Variants in COL23A1 observed in about 807,000 individuals in gnomAD.
COL23A1 encodes collagen alpha-1(XXIII) chain.
COL23A1 carries 97 observed loss-of-function variants against 99.3 expected under a neutral mutation model. The ratio of observed to expected loss-of-function variants is 0.98; its 90% CI spans 0.83 to 1.16. The LOEUF (loss-of-function observed/expected upper bound fraction) is 1.16, where lower values mean the gene tolerates loss of function less well. COL23A1 is among the 50% of genes most tolerant of loss of function. The pLI is 0.00. For synonymous variants in COL23A1, 320 were observed against 308.2 expected (o/e 1.04, Z -0.40); for missense variants, 762 against 757.4 (o/e 1.01, Z -0.07).
intron 2 of COL23A1, among the ~76,000 whole-genome samples, chr5:178,523,904 GTCAC>G (rs1197920790): frequency 2.6e-5 from 4 of 152,196 alleles, no homozygotes; most frequent in Non-Finnish European, 5.9e-5. Flanking sequence ...GAACACGGCT[GTCAC>G]TCACTGCAAC....
chr5:178,344,928 G>A (rs566973882), intron 2 of COL23A1: 15 of 681,584 alleles, frequency 2.2e-5, no homozygotes, highest in East Asian at 4.1e-5. Context: ...TTTGGGTCTC[G>A]ATCCAGAAAA....
Position 178,468,989 on chromosome 5 carries a change from G to A in COL23A1, c.361+91693C>T, listed in dbSNP as rs906994307. ...TTTGATGACTGGGTGCCTCACATAA[G>A]TGGAATCATATCGTGTTTGTCCTTC... On this transcript the variant is annotated intron_variant, in intron 2 of 28. Transcript: ENST00000390654. The surrounding 1 kb of genome is among the most constrained non-coding windows in gnomAD (Gnocchi z 4.2). Among the ~76,000 whole-genome samples the A allele has an allele frequency of 1.3e-5, 2 of 152,152 alleles. No homozygotes were observed. Among genetic ancestry groups the A allele is most frequent in the African/African-American group, 4.8e-5 (2 of 41,422 alleles).
At chr5:178,500,999 A>G (rs949471542) in intron 2 of COL23A1, among the ~76,000 whole-genome samples, 3 of 152,236 alleles carry the variant, frequency 2.0e-5, no homozygotes, top group African/African-American at 7.2e-5. Flanking sequence ...CAATACATAA[A>G]GAACTCTTAC....
intron 2 of COL23A1, among the ~76,000 whole-genome samples, chr5:178,450,990 G>A (rs539118067): frequency 4.8e-4 from 73 of 152,246 alleles, no homozygotes; most frequent in African/African-American, 1.8e-3. Context: ...TTAAGTCAAG[G>A]TTAATTCTCA....
chr5:178,329,026 C>T (rs1023883636), intron 2 of COL23A1, among the ~76,000 whole-genome samples: 1 of 152,160 alleles, frequency 6.6e-6, no homozygotes, highest in Non-Finnish European at 1.5e-5. Context: ...ACCTCAGGCT[C>T]CCCAGCCAAC....
At chr5:178,529,725 T>C (rs1212424864) in intron 2 of COL23A1, among the ~76,000 whole-genome samples, 1 of 152,136 alleles carries the variant, frequency 6.6e-6, no homozygotes, top group East Asian at 1.9e-4. Context: ...CCCAGGCCTC[T>C]GTCTCCCCAG....
At chr5:178,262,383 G>A in intron 9 of COL23A1, 131 bp from the exon 10 acceptor site, 1 of 824,334 alleles carries the variant, frequency 1.2e-6, no homozygotes, top group Non-Finnish European at 1.9e-6. Context: ...AACCTGAAGA[G>A]CGAGTATCAC....
chr5:178,347,791 G>C (rs1208826759), intron 2 of COL23A1, among the ~76,000 whole-genome samples: 5 of 145,644 alleles, frequency 3.4e-5, no homozygotes, highest in Non-Finnish European at 7.5e-5. Flanking sequence ...TGAGGCAGGA[G>C]AATCACTTGA....
chr5:178,358,671 A>G (rs1479712468), intron 2 of COL23A1, among the ~76,000 whole-genome samples: 3 of 144,762 alleles, frequency 2.1e-5, no homozygotes, highest in Non-Finnish European at 3.0e-5. Flanking sequence ...TATGTGTCTA[A>G]TGTGTATGTG....
intron 2 of COL23A1, among the ~76,000 whole-genome samples, chr5:178,330,249 C>T (rs963028268): frequency 6.6e-6 from 1 of 152,238 alleles, no homozygotes; most frequent in Non-Finnish European, 1.5e-5. Context: ...TGTATTCTGT[C>T]GGCTTTGACC....
At chr5:178,292,628 C>A (rs1757521769) in intron 3 of COL23A1, among the ~76,000 whole-genome samples, 1 of 152,168 alleles carries the variant, frequency 6.6e-6, no homozygotes, top group Admixed American at 6.5e-5. Context: ...CTGGAGGCTA[C>A]TGCATGCTGC....
chr5:178,240,288 T>C (rs1764322172), intron 27 of COL23A1, among the ~76,000 whole-genome samples: 1 of 152,176 alleles, frequency 6.6e-6, no homozygotes, highest in Non-Finnish European at 1.5e-5. Context: ...TCCCCTGGAA[T>C]ATTCCCATGT....
chr5:178,408,102 T>C (rs1764856998), intron 2 of COL23A1, among the ~76,000 whole-genome samples: 1 of 152,216 alleles, frequency 6.6e-6, no homozygotes, highest in Non-Finnish European at 1.5e-5. Flanking sequence ...ACACCTCACT[T>C]ACTGGAGAAA....
intron 2 of COL23A1, among the ~76,000 whole-genome samples, chr5:178,403,043 AG>A (rs1264535698): frequency 4.2e-5 from 6 of 142,860 alleles, no homozygotes; most frequent in Non-Finnish European, 9.0e-5. Context: ...CAGGAGGTGG[AG>A]GTTGAAGTGA....
chr5:178,459,846 T>C (rs1330580191), intron 2 of COL23A1, among the ~76,000 whole-genome samples: 1 of 152,154 alleles, frequency 6.6e-6, no homozygotes, highest in African/African-American at 2.4e-5. Flanking sequence ...GAAATGTTCA[T>C]GATATGGCCA....
intron 2 of COL23A1, among the ~76,000 whole-genome samples, chr5:178,447,794 G>C (rs1767245701): frequency 6.6e-6 from 1 of 152,180 alleles, no homozygotes; most frequent in Admixed American, 6.5e-5. Flanking sequence ...TTGGAAGGAG[G>C]AGAATATGAA....
At chr5:178,279,729 C>T (rs1037997018) in intron 5 of COL23A1, among the ~76,000 whole-genome samples, 4 of 152,214 alleles carry the variant, frequency 2.6e-5, no homozygotes, top group Admixed American at 2.6e-4. Context: ...CCTTACCATC[C>T]CGGCCCATCT....
At position 178,258,236 on chromosome 5, in the gene COL23A1, A is replaced by AATATATATATATATATATATAT. The variant is rs70994992; in HGVS notation, c.730-691_730-670dup. ...GTGACAGAGTGAGATCCTGTCTTAA[A>AATATATATATATATATATATAT]ATATATATATATATATATATATATA... On this transcript the variant is annotated intron_variant, in intron 12 of 28. Transcript: ENST00000390654. Among the ~76,000 whole-genome samples, 62 of 71,886 alleles carry AATATATATATATATATATATAT rather than the reference A, an allele frequency of 8.6e-4. 1 individual carries two copies. Among genetic ancestry groups the AATATATATATATATATATATAT allele is most frequent in the African/African-American group, 2.7e-3 (54 of 19,830 alleles). 47.2% of individuals were successfully genotyped at this position (71,886 alleles called of 152,430 possible). A position where few individuals can be genotyped will look rare whatever the true frequency, so the allele number is the denominator to read the frequency against.
chr5:178,272,651 C>A (rs1489070260), intron 5 of COL23A1, among the ~76,000 whole-genome samples: 1 of 152,180 alleles, frequency 6.6e-6, no homozygotes, highest in African/African-American at 2.4e-5. Context: ...TGGACAGTGT[C>A]CTCTTGCCAG....
Sources: gnomAD v4.1 joint callset for allele counts (sites outside exome capture counted in the v4.1 genomes callset) on GRCh38, gnomAD v4.1.1 for gene constraint, Gnocchi (gnomAD v3.1) non-coding constraint, MANE v1.5 for transcripts, NCBI Gene and HGNC (gene_info 2026-07-23, HGNC 2026-07-21) for gene names.